The following BRIX1 variants were observed in gnomAD, a reference collection of about 807,000 sequenced individuals.
BRIX1 encodes the protein ribosome biogenesis protein BRX1 homolog.
In BRIX1, 15 loss-of-function variants were observed where a neutral mutation model predicts 44.0. That is an observed-to-expected ratio of 0.34 (90% CI 0.23 to 0.53). BRIX1 has a LOEUF of 0.53. BRIX1 is among the 20% of genes least tolerant of loss of function. The pLI, the probability that BRIX1 is intolerant of heterozygous loss-of-function variation, is 0.95. For synonymous variants in BRIX1, 149 were observed against 135.4 expected, an observed-to-expected ratio of 1.10 and a Z score of -0.70; for missense variants, 420 against 432.8, an observed-to-expected ratio of 0.97 and a Z score of 0.26.
chr5:34,922,327 G>A (rs758074959), intron 4 of BRIX1, 40 bp downstream of exon 4: 3 of 1,275,106 alleles, frequency 2.4e-6, no homozygotes, highest in African/African-American at 1.5e-5. Context: ...ACTCATTTAA[G>A]TGGATTTGTT....
Position 34,922,223 on chromosome 5 carries a change from G to T in BRIX1, c.322G>T (p.Glu108Ter). ...TATACTTTGCTTCCTTTAGGTTTGT[G>T]AAATGAAGAACTGTAATAAATGCAT... ...DKLFVINEVC[E>*]MKNCNKCIYF... Residue 108 changes from glutamate to a stop codon, truncating the protein, a stop_gained, in exon 4 of 10, where the codon GAA becomes TAA. Transcript: ENST00000336767. LOFTEE classifies it high-confidence loss of function. The T allele has an allele frequency of 6.4e-7, 1 of 1,572,258 alleles. No individual in the cohort carries two copies. The highest frequency in any genetic ancestry group is 1.1e-5 in the South Asian group (1 of 87,494).
rs1764272499 is a variant in BRIX1, at chr5:34,922,983, C to T, written c.511-18C>T. 6.7e-7 allele frequency: 1 copy of T among 1,489,884 alleles called. No individual in the cohort carries two copies. The highest frequency in any genetic ancestry group is 1.4e-5 in the African/African-American group (1 of 71,994). The allele number at this position is 1,489,884 out of a possible 1,614,324, so 92.3% of individuals were successfully genotyped here. On this transcript the variant is annotated intron_variant, in intron 6 of 9. Coordinates refer to ENST00000336767, the MANE Select transcript of BRIX1 (RefSeq NM_018321.4). ...AGGCAGTCTACTGTTAAATAATATG[C>T]TTACCTTATTTTTATAGGCTTTTGA... is the stretch of plus-strand genomic sequence containing the variant.
chr5:34,917,596 C>T (rs755136082), intron 1 of BRIX1, among the ~76,000 whole-genome samples: 5 of 151,948 alleles, frequency 3.3e-5, no homozygotes, highest in Admixed American at 6.6e-5. Flanking sequence ...GCCGAGATCG[C>T]GCCACTGCAC....
intron 2 of BRIX1, chr5:34,918,793 A>C: frequency 5.1e-6 from 1 of 196,300 alleles, no homozygotes. Context: ...AGTGCTAAGG[A>C]CTGCCACATG....
intron 1 of BRIX1, among the ~76,000 whole-genome samples, chr5:34,917,233 G>A: frequency 6.6e-6 from 1 of 152,200 alleles, no homozygotes; most frequent in East Asian, 1.9e-4. Flanking sequence ...TTCATTTGGG[G>A]CAATAATGAT....
chr5:34,918,963 C>T (rs1288425909), intron 2 of BRIX1: 1 of 151,382 alleles, frequency 6.6e-6, no homozygotes, highest in African/African-American at 2.4e-5. Context: ...CAGGCAAGAA[C>T]AGTATGGCCG....
In BRIX1 at chr5:34,918,244, A is replaced by G. The variant is rs916283059; in HGVS notation, c.160-120A>G. The G allele has an allele frequency of 5.1e-5, 27 of 533,598 alleles. No homozygotes were observed. The Middle Eastern group carries it at 2.3e-3, about 46-fold the overall frequency. The allele number at this position is 533,598 out of a possible 1,614,324, so 33.1% of individuals were successfully genotyped here. A position where few individuals can be genotyped will look rare whatever the true frequency, so the allele number is the denominator to read the frequency against. ...GAGGATCACTTACTTGAGCCCAGGA[A>G]CTTGAAACTGCAGTGAGCCGTGAGC... On this transcript the variant is annotated intron_variant, in intron 1 of 9. Coordinates refer to ENST00000336767, the MANE Select transcript of BRIX1 (RefSeq NM_018321.4).
rs760811344 is a variant in BRIX1, at chr5:34,923,179, A to T, written c.608A>T (p.Asp203Val). Residue 203 changes from aspartate (D) to valine (V), a missense_variant, in exon 8 of 10, where the codon GAC becomes GTC. Transcript: ENST00000336767. Reference sequence around the variant, plus strand: ...CATCCCAAAAGCCAACCATTTGTGGACCACGTGTTTACTTTCACCATTTTG... The same window carrying T: ...CATCCCAAAAGCCAACCATTTGTGGTCCACGTGTTTACTTTCACCATTTTG... ...RYHPKSQPFV[D>V]HVFTFTILDN... 4 of 1,614,176 alleles carry T rather than the reference A, an allele frequency of 2.5e-6. No individual in the cohort carries two copies. The highest frequency in any genetic ancestry group is 3.4e-6 in the Non-Finnish European group (4 of 1,179,996).
At chr5:34,923,084 T>C (rs200157208) in intron 7 of BRIX1, 33 bp downstream of exon 7, 947 of 1,575,306 alleles carry the variant, frequency 6.0e-4, no homozygotes, top group Non-Finnish European at 7.8e-4. Context: ...ATCCAAAATA[T>C]ACATGATATA....
At chr5:34,916,852 T>A (rs1764110821) in intron 1 of BRIX1, 1 of 152,214 alleles carries the variant, frequency 6.6e-6, no homozygotes, top group South Asian at 2.1e-4. Flanking sequence ...TGCTCTTTTC[T>A]GACCTGCAGA....
intron 4 of BRIX1, 94 bp downstream of exon 4, chr5:34,922,381 G>T (rs531405459): frequency 1.1e-5 from 10 of 950,606 alleles, no homozygotes; most frequent in Non-Finnish European, 1.6e-5. Context: ...TTCATGTTAA[G>T]GGTTGAGAAT....
rs2069463 is a variant in BRIX1, at chr5:34,916,027, A to T, written c.159+130A>T. ...GTGTTAACGGTAGGTCGGTTTTAGC[A>T]ATTCTCCCGGCCAGACTGGGCACGG... On this transcript the variant is annotated intron_variant, in intron 1 of 9. Transcript: ENST00000336767. 6.1e-5 allele frequency: 67 copies of T among 1,105,158 alleles called. 1 individual carries two copies. The East Asian group carries it at 1.3e-3, about 22-fold the overall frequency. The allele number at this position is 1,105,158 out of a possible 1,614,324, so 68.5% of individuals were successfully genotyped here.
At chr5:34,916,182 G>GT (rs1202326552) in intron 1 of BRIX1, 186 of 284,322 alleles carry the variant, frequency 6.5e-4, no homozygotes, top group African/African-American at 3.9e-3. Flanking sequence ...TAGTTGTTCA[G>GT]TTGTTTTTTT....
intron 2 of BRIX1, 150 bp from the exon 3 acceptor site, chr5:34,919,690 C>T: frequency 1.7e-5 from 6 of 347,610 alleles, no homozygotes; most frequent in South Asian, 2.1e-4. Flanking sequence ...CGATTGTTTC[C>T]AGCTCTTGTT....
chr5:34,917,759 T>TTA (rs1764149311), intron 1 of BRIX1, among the ~76,000 whole-genome samples: 1 of 152,126 alleles, frequency 6.6e-6, no homozygotes, highest in Non-Finnish European at 1.5e-5. Context: ...AGACTCTAAG[T>TTA]AAGTGCAGTG....
Position 34,925,859 on chromosome 5 carries a change from A to G in BRIX1, c.*364A>G, listed in dbSNP as rs1580514491. Reference sequence around the variant, plus strand: ...CATCGGTTGTGGATGGTAAAGTAGGAGTAGACTGGTAGAAAGGAAGGCATC... The same window carrying G: ...CATCGGTTGTGGATGGTAAAGTAGGGGTAGACTGGTAGAAAGGAAGGCATC... On this transcript the variant is annotated 3_prime_UTR_variant, in exon 10 of 10. Transcript: ENST00000336767. 2 of 166,054 alleles carry G rather than the reference A, an allele frequency of 1.2e-5. No individual in the cohort carries two copies. Among genetic ancestry groups the G allele is most frequent in the Non-Finnish European group, 2.6e-5 (2 of 77,318 alleles). The allele number at this position is 166,054 out of a possible 1,614,324, so 10.3% of individuals were successfully genotyped here.
At chr5:34,916,201 GT>G in intron 1 of BRIX1, 4 of 242,402 alleles carry the variant, frequency 1.7e-5, no homozygotes, top group Admixed American at 5.3e-5. Context: ...TTTTTTTAAT[GT>G]TTTTGGAGAG....
At chr5:34,918,664 A>G in intron 2 of BRIX1, 189 bp downstream of exon 2, 1 of 479,926 alleles carries the variant, frequency 2.1e-6, no homozygotes, top group Non-Finnish European at 3.7e-6. Context: ...TTCATTAGGT[A>G]GATTCTTTAC....
At chr5:34,916,174 G>T in intron 1 of BRIX1, 1 of 305,380 alleles carries the variant, frequency 3.3e-6, no homozygotes, top group African/African-American at 2.2e-5. Flanking sequence ...TTTCTTACTA[G>T]TTGTTCAGTT....
Sources: allele counts gnomAD v4.1 joint callset (sites outside exome capture counted in the v4.1 genomes callset), GRCh38; gene constraint gnomAD v4.1.1; transcripts MANE v1.5; gene names NCBI Gene and HGNC (gene_info 2026-07-23, HGNC 2026-07-21).